Variants in ZNF618 observed in about 807,000 individuals in gnomAD.
ZNF618 encodes neural precursor cell expressed, developmentally down-regulated 10.
A neutral mutation model predicts 103.0 loss-of-function variants in ZNF618; 34 were observed. The observed-to-expected ratio is 0.33, with a 90% confidence interval of 0.25 to 0.44. The LOEUF (loss-of-function observed/expected upper bound fraction) is 0.44. Ranked by LOEUF, ZNF618 falls within the 20% of genes least tolerant of loss-of-function variation. The probability of loss-of-function intolerance (pLI) is 1.00; values close to 1 mark genes in which losing one functional copy is unlikely to be tolerated. For synonymous variants in ZNF618, 551 were observed against 542.2 expected (o/e 1.02, Z -0.23); for missense variants, 1,059 against 1,295.4 (o/e 0.82, Z 2.80).
At chr9:114,016,361 G>A (rs560496739) in intron 9 of ZNF618, among the ~76,000 whole-genome samples, 3 of 152,214 alleles carry the variant, frequency 2.0e-5, no homozygotes, top group South Asian at 4.2e-4. Flanking sequence ...CTTGAGCACC[G>A]GGTCTGGGGT....
rs148674133 is a variant in ZNF618, at chr9:113,994,902, A to T, written c.338-3357A>T. Among the ~76,000 whole-genome samples the T allele has an allele frequency of 5.4e-3, 822 of 152,280 alleles. 11 individuals carry two copies. The highest frequency in any genetic ancestry group is 0.042 in the East Asian group (218 of 5,182). ...TTTATCCAAAGTTTAAATCATTGCA[A>T]AGGATATAATTTCCAGGATATTGTG... On this transcript the variant is annotated intron_variant, in intron 3 of 14. Transcript: ENST00000374126.
intron 9 of ZNF618, among the ~76,000 whole-genome samples, chr9:114,014,765 A>G (rs1037922832): frequency 6.1e-5 from 6 of 98,314 alleles, no homozygotes; most frequent in Non-Finnish European, 1.6e-4. Flanking sequence ...CACAACACCT[A>G]GAATTTTTTT....
At chr9:113,973,125 C>G (rs1346193926) in intron 2 of ZNF618, among the ~76,000 whole-genome samples, 1 of 152,184 alleles carries the variant, frequency 6.6e-6, no homozygotes, top group African/African-American at 2.4e-5. Context: ...GCTGACACCA[C>G]TGGTGATTTG....
At chr9:113,918,086 A>G (rs1157084117) in intron 1 of ZNF618, among the ~76,000 whole-genome samples, 1 of 152,130 alleles carries the variant, frequency 6.6e-6, no homozygotes, top group Non-Finnish European at 1.5e-5. Context: ...CAGTCTTTGA[A>G]TTCTGTGCCC....
At chr9:113,946,766 G>A (rs1371504970) in intron 1 of ZNF618, among the ~76,000 whole-genome samples, 2 of 152,202 alleles carry the variant, frequency 1.3e-5, no homozygotes, top group African/African-American at 4.8e-5. Flanking sequence ...ATGGCAGCAG[G>A]CAAGTTGGGG....
At chr9:113,879,179 G>A (rs549548144) in intron 1 of ZNF618, among the ~76,000 whole-genome samples, 1 of 151,816 alleles carries the variant, frequency 6.6e-6, no homozygotes, top group Non-Finnish European at 1.5e-5. Flanking sequence ...GGGGTGGAGG[G>A]GGGTAGGGGC....
intron 13 of ZNF618, 112 bp downstream of exon 13, chr9:114,036,489 T>C: frequency 8.8e-7 from 1 of 1,142,554 alleles, no homozygotes. Context: ...TCCTGGAAAA[T>C]GGTCACAGGA....
At chr9:113,915,432 T>A (rs1365308652) in intron 1 of ZNF618, among the ~76,000 whole-genome samples, 1 of 151,906 alleles carries the variant, frequency 6.6e-6, no homozygotes, top group Non-Finnish European at 1.5e-5. Context: ...GTGGAGGAAC[T>A]GGGGGGAGAC....
intron 1 of ZNF618, among the ~76,000 whole-genome samples, chr9:113,881,363 G>A (rs534949969): frequency 1.3e-5 from 2 of 151,994 alleles, no homozygotes; most frequent in Non-Finnish European, 2.9e-5. Flanking sequence ...TCAAGCCCCC[G>A]TTGCGAGCCA....
intron 6 of ZNF618, 96 bp from the exon 7 acceptor site, chr9:114,007,254 G>A: frequency 1.9e-6 from 2 of 1,030,936 alleles, no homozygotes; most frequent in Non-Finnish European, 2.9e-6. Flanking sequence ...GACTGGGCTA[G>A]TTTCATCTTT....
chr9:114,008,664 G>A, intron 9 of ZNF618, 110 bp downstream of exon 9: 1 of 1,291,700 alleles, frequency 7.7e-7, no homozygotes, highest in Non-Finnish European at 1.1e-6. Context: ...TCACTTAACT[G>A]CAGCAATGGT....
chr9:113,947,039 C>G lies in ZNF618; in HGVS notation c.34-22078C>G, dbSNP rs970755486. Among the ~76,000 whole-genome samples the G allele has an allele frequency of 2.0e-5, 3 of 152,178 alleles. No homozygotes were observed. The East Asian group carries it at 5.8e-4, about 29-fold the overall frequency. On this transcript the variant is annotated intron_variant, in intron 1 of 14. Transcript: ENST00000374126. The stretch of plus-strand genomic sequence containing the variant: ...CGACACAGACAGCATCTCCCCTGTC[C>G]CCTTCTGAGTGGAGGCCTGTTGTTA...
chr9:113,888,417 A>G (rs1430261666), intron 1 of ZNF618, among the ~76,000 whole-genome samples: 3 of 152,258 alleles, frequency 2.0e-5, no homozygotes, highest in Admixed American at 6.5e-5. Flanking sequence ...TTTGTGTTCC[A>G]TGCTCACAAA....
chr9:113,951,241 A>G (rs1835538482), intron 1 of ZNF618, among the ~76,000 whole-genome samples: 1 of 150,642 alleles, frequency 6.6e-6, no homozygotes, highest in Non-Finnish European at 1.5e-5. Flanking sequence ...CATCAGATTA[A>G]AGGGAGGGTA....
In ZNF618 at chr9:114,056,285, A is replaced by T. The variant is rs1043100484; in HGVS notation, c.*6118A>T. ...AAATGGAGGAAAGGAACAGAAAAAA[A>T]GATTTTTACAAAGTAATAAAATTTA... On this transcript the variant is annotated 3_prime_UTR_variant, in exon 15 of 15. Transcript: ENST00000374126. 6.6e-6 allele frequency: 1 copy of T among 152,252 alleles called. No homozygotes were observed. The highest frequency in any genetic ancestry group is 2.4e-5 in the African/African-American group (1 of 41,466). The allele number at this position is 152,252 out of a possible 1,614,324, so 9.4% of individuals were successfully genotyped here. A position where few individuals can be genotyped will look rare whatever the true frequency, so the allele number is the denominator to read the frequency against.
rs947581364 is a variant in ZNF618 at position 114,035,136 on chromosome 9, A to G, written c.1169-1164A>G. The G allele has an allele frequency of 5.1e-6, 5 of 980,220 alleles. No homozygotes were observed. The African/African-American group carries it at 8.7e-5, about 17-fold the overall frequency. The allele number at this position is 980,220 out of a possible 1,614,324, so 60.7% of individuals were successfully genotyped here. Reference sequence around the variant, plus strand: ...GTTATTAAGAATAAAAATTATGACTATCAGCACAGAACAGCAGAACTAGAA... The same window carrying G: ...GTTATTAAGAATAAAAATTATGACTGTCAGCACAGAACAGCAGAACTAGAA... On this transcript the variant is annotated intron_variant, in intron 12 of 14. Transcript: ENST00000374126.
At chr9:113,920,852 G>A (rs780091785) in intron 1 of ZNF618, among the ~76,000 whole-genome samples, 1 of 152,258 alleles carries the variant, frequency 6.6e-6, no homozygotes, top group Non-Finnish European at 1.5e-5. Flanking sequence ...TTTAGCATTG[G>A]AGATTTGTGC....
At chr9:113,916,181 T>C (rs1263889540) in intron 1 of ZNF618, among the ~76,000 whole-genome samples, 1 of 152,130 alleles carries the variant, frequency 6.6e-6, no homozygotes, top group Admixed American at 6.5e-5. Flanking sequence ...CTGTGAAATA[T>C]TGATCAATTT....
chr9:114,004,915 A>G (rs1841599688), intron 6 of ZNF618, among the ~76,000 whole-genome samples: 1 of 152,224 alleles, frequency 6.6e-6, no homozygotes, highest in Non-Finnish European at 1.5e-5. Flanking sequence ...GGAAAATAGT[A>G]CAGTCATACA....
Sources: allele counts gnomAD v4.1 joint callset (sites outside exome capture counted in the v4.1 genomes callset), GRCh38; gene constraint gnomAD v4.1.1; transcripts MANE v1.5; gene names NCBI Gene and HGNC (gene_info 2026-07-23, HGNC 2026-07-21).